CA10: variants seen among roughly 807,000 people sequenced by gnomAD.
The protein encoded by CA10 is carbonic anhydrase-related protein 10.
CA10 carries 14 observed loss-of-function variants against 44.2 expected under a neutral mutation model. That is an observed-to-expected ratio of 0.32 (90% CI 0.21 to 0.50). The LOEUF is 0.50. CA10 is among the 20% of genes least tolerant of loss of function. CA10 has a pLI of 0.99. For missense variants in CA10, 350 were observed against 409.7 expected (o/e 0.85, Z 1.26); for synonymous variants, 159 against 141.6 (o/e 1.12, Z -0.87).
At chr17:51,924,385 G>A (rs1218837063) in intron 3 of CA10, among the ~76,000 whole-genome samples, 1 of 152,154 alleles carries the variant, frequency 6.6e-6, no homozygotes, top group Non-Finnish European at 1.5e-5. Context: ...TGTATTACAA[G>A]GGCTGTGAAT....
At chr17:51,874,940 T>C (rs1286467128) in intron 3 of CA10, among the ~76,000 whole-genome samples, 1 of 101,808 alleles carries the variant, frequency 9.8e-6, no homozygotes, top group Non-Finnish European at 2.0e-5. Flanking sequence ...AAGGAAGATG[T>C]TTTTCTTCTG....
At chr17:51,747,886 G>A (rs563557809) in intron 3 of CA10, 68 bp from the exon 4 acceptor site, 1 of 1,254,630 alleles carries the variant, frequency 8.0e-7, no homozygotes, top group South Asian at 1.4e-5. Context: ...ACCCAGCATG[G>A]TGCTTGGATC....
rs117878695 is a variant in CA10, at chr17:51,655,579, C to T, written c.466-1843G>A. Among the ~76,000 whole-genome samples, 232 of 152,280 alleles carry T rather than the reference C, an allele frequency of 1.5e-3. 3 individuals carry two copies. The East Asian group carries it at 0.034, about 23-fold the overall frequency. ...CAGATCACCTGGGTGCTTTTAAAGCCCACCTGTGCCTGTCTATGCCTTCTC... is the reference window on the plus strand; with the variant it reads ...CAGATCACCTGGGTGCTTTTAAAGCTCACCTGTGCCTGTCTATGCCTTCTC... On this transcript the variant is annotated intron_variant, in intron 4 of 8. Transcript: ENST00000451037.
In CA10 at chr17:51,651,093, G is replaced by T. The variant is rs192368204; in HGVS notation, c.562-1839C>A. Among the ~76,000 whole-genome samples, 7 of 152,266 alleles carry T rather than the reference G, an allele frequency of 4.6e-5. 1 individual carries two copies. In the East Asian group the frequency reaches 9.6e-4, roughly 21 times the overall value. On this transcript the variant is annotated intron_variant, in intron 5 of 8. Transcript: ENST00000451037. The stretch of plus-strand genomic sequence containing the variant: ...AGAGAGTAACTCCAGCTTTTCTACG[G>T]CTCAGCTTTTAGCCAGGGTGATAAC...
intron 3 of CA10, among the ~76,000 whole-genome samples, chr17:51,891,253 G>T (rs547130067): frequency 1.3e-5 from 2 of 152,200 alleles, no homozygotes; most frequent in African/African-American, 4.8e-5. Context: ...GTGAATAATA[G>T]GGCTTTTAGT....
At chr17:51,742,734 CACCA>C (rs1449318313) in intron 4 of CA10, among the ~76,000 whole-genome samples, 1 of 152,192 alleles carries the variant, frequency 6.6e-6, no homozygotes. Context: ...CTATCTATAT[CACCA>C]TAGCAACAGC....
chr17:52,104,352 G>A (rs568218751), intron 1 of CA10, among the ~76,000 whole-genome samples: 66 of 152,108 alleles, frequency 4.3e-4, no homozygotes, highest in South Asian at 2.5e-3. Context: ...ACAGGTATGC[G>A]TCACCATGCC....
In CA10 at chr17:51,763,896, C is replaced by T. The variant is rs181718363; in HGVS notation, c.280-16078G>A. On this transcript the variant is annotated intron_variant, in intron 3 of 8. Coordinates refer to ENST00000451037, the MANE Select transcript of CA10 (RefSeq NM_020178.5). ...CTCTGCTAATGTATCTTATTCTATC[C>T]CTCATCTTATTCTGACCCCTCCTCT... is the stretch of plus-strand genomic sequence containing the variant. 3.6e-3 allele frequency among the ~76,000 whole-genome samples: 540 copies of T among 151,908 alleles called. 4 individuals are homozygous for T. Among genetic ancestry groups the T allele is most frequent in the African/African-American group, 0.012 (506 of 41,404 alleles).
At chr17:52,056,000 G>A (rs192355839) in intron 2 of CA10, among the ~76,000 whole-genome samples, 58 of 152,232 alleles carry the variant, frequency 3.8e-4, no homozygotes, top group African/African-American at 1.3e-3. Context: ...GGAAGTGACT[G>A]GAACTAGGGT....
At chr17:51,760,999 T>A (rs1598031662) in intron 3 of CA10, among the ~76,000 whole-genome samples, 1 of 152,332 alleles carries the variant, frequency 6.6e-6, no homozygotes, top group African/African-American at 2.4e-5. Flanking sequence ...TCACCACATT[T>A]CAATCGCGGC....
intron 3 of CA10, among the ~76,000 whole-genome samples, chr17:51,858,677 G>C (rs1979163046): frequency 2.6e-5 from 4 of 152,134 alleles, no homozygotes; most frequent in Admixed American, 2.6e-4. Context: ...TAAAACACTT[G>C]GCTCCTATGT....
chr17:51,721,056 G>T (rs1271539995), intron 4 of CA10, among the ~76,000 whole-genome samples: 1 of 152,130 alleles, frequency 6.6e-6, no homozygotes, highest in Non-Finnish European at 1.5e-5. Flanking sequence ...TAGGCTGGGC[G>T]TGGTGGCTCA....
intron 2 of CA10, among the ~76,000 whole-genome samples, chr17:52,011,001 G>C (rs1487650888): frequency 6.6e-6 from 1 of 151,054 alleles, no homozygotes; most frequent in Non-Finnish European, 1.5e-5. Flanking sequence ...TGGCGGGGGC[G>C]GGGGAGGGGG....
chr17:51,717,529 G>GTATATTTATA (rs1916150937), intron 4 of CA10, among the ~76,000 whole-genome samples: 1 of 50,168 alleles, frequency 2.0e-5, no homozygotes, highest in African/African-American at 6.1e-5. Flanking sequence ...AAAGAAACTG[G>GTATATTTATA]TATATATATA....
chr17:51,630,602 G>A lies in CA10; in HGVS notation c.*982C>T, dbSNP rs1333241943. ...GATTGAGCCATGGAGTGGAATTAAA[G>A]TCATACTTGCTTAGCAAATGCATTC... On this transcript the variant is annotated 3_prime_UTR_variant, in exon 9 of 9. Coordinates refer to ENST00000451037, the MANE Select transcript of CA10 (RefSeq NM_020178.5). 6.6e-6 allele frequency: 1 copy of A among 152,632 alleles called. No homozygotes were observed. The allele number at this position is 152,632 out of a possible 1,614,324, so 9.5% of individuals were successfully genotyped here.
chr17:51,980,911 T>C (rs1033831374), intron 2 of CA10, among the ~76,000 whole-genome samples: 1 of 152,088 alleles, frequency 6.6e-6, no homozygotes, highest in African/African-American at 2.4e-5. Flanking sequence ...CTAGACAACA[T>C]GCACGTGAAA....
chr17:51,744,614 C>T (rs927479941), intron 4 of CA10, among the ~76,000 whole-genome samples: 1 of 151,960 alleles, frequency 6.6e-6, no homozygotes, highest in African/African-American at 2.4e-5. Context: ...CCCTTTCTCT[C>T]TAAATAAATA....
At chr17:51,710,552 C>A (rs1243611440) in intron 4 of CA10, among the ~76,000 whole-genome samples, 2 of 152,110 alleles carry the variant, frequency 1.3e-5, no homozygotes, top group Non-Finnish European at 2.9e-5. Flanking sequence ...ACTAAGTTTG[C>A]CTTTGCCTGG....
chr17:51,734,055 G>C (rs893913239), intron 4 of CA10, among the ~76,000 whole-genome samples: 3 of 79,182 alleles, frequency 3.8e-5, no homozygotes, highest in African/African-American at 1.2e-4. Flanking sequence ...ACAAGAAAAG[G>C]TCGCAGATCC....
Sources: allele counts gnomAD v4.1 joint callset (sites outside exome capture counted in the v4.1 genomes callset), GRCh38; gene constraint gnomAD v4.1.1; transcripts MANE v1.5; gene names NCBI Gene and HGNC (gene_info 2026-07-23, HGNC 2026-07-21).